The following CFAP47 variants were observed in gnomAD, a reference collection of about 807,000 sequenced individuals.
CFAP47 encodes the protein cilia- and flagella-associated protein 47.
Under a neutral mutation model 148.1 loss-of-function variants are expected in CFAP47, and 29 were observed. The ratio of observed to expected loss-of-function variants is 0.20; its 90% CI spans 0.15 to 0.27. CFAP47 has a LOEUF of 0.27. Ranked by LOEUF, CFAP47 falls within the 10% of genes least tolerant of loss-of-function variation. The pLI is 1.00. For missense variants in CFAP47, 1,872 were observed against 1,697.5 expected, an observed-to-expected ratio of 1.10 and a Z score of -1.81; for synonymous variants, 664 against 577.3, an observed-to-expected ratio of 1.15 and a Z score of -2.15.
intron 30 of CFAP47, among the ~76,000 whole-genome samples, chrX:36,097,230 T>C (rs1474402429): frequency 4.5e-5 from 5 of 112,054 alleles, no homozygotes; most frequent in African/African-American, 1.3e-4. Context: ...TTATTTTTGA[T>C]TGATTGATTA....
chrX:36,123,746 G>T (rs766114797), intron 33 of CFAP47, among the ~76,000 whole-genome samples: 2 of 111,374 alleles, frequency 1.8e-5, no homozygotes, highest in East Asian at 5.8e-4. Flanking sequence ...TTCTGGAATC[G>T]GGGACTCCAG....
intron 57 of CFAP47, among the ~76,000 whole-genome samples, chrX:36,320,205 C>T (rs1434389560): frequency 9.0e-6 from 1 of 111,584 alleles, no homozygotes; most frequent in Non-Finnish European, 1.9e-5. Flanking sequence ...AATGAAGTTT[C>T]TTAAAAATCT....
chrX:35,927,489 G>A (rs955863482), intron 2 of CFAP47, among the ~76,000 whole-genome samples: 20 of 110,518 alleles, frequency 1.8e-4, no homozygotes, highest in African/African-American at 6.3e-4. Flanking sequence ...TTTTTTTCTT[G>A]TTTCCAGAGT....
intron 51 of CFAP47, among the ~76,000 whole-genome samples, chrX:36,294,584 C>T (rs1941223937): frequency 2.7e-5 from 3 of 109,911 alleles, no homozygotes; most frequent in East Asian, 2.9e-4. Flanking sequence ...TGGTGGCAGG[C>T]GCCTGTAGTC....
intron 3 of CFAP47, among the ~76,000 whole-genome samples, chrX:35,944,845 G>T (rs12007724): frequency 1.8e-5 from 2 of 111,739 alleles, no homozygotes; most frequent in African/African-American, 6.5e-5. Flanking sequence ...AGCTGTAGCT[G>T]TGGGTACCCT....
chrX:36,262,508 A>G (rs1556000358), intron 49 of CFAP47, among the ~76,000 whole-genome samples: 1 of 111,611 alleles, frequency 9.0e-6, no homozygotes, highest in Admixed American at 9.5e-5. Flanking sequence ...TAACATAACG[A>G]TCTCCAATTG....
chrX:36,325,106 G>A (rs192267173), intron 57 of CFAP47, among the ~76,000 whole-genome samples: 5 of 111,000 alleles, frequency 4.5e-5, no homozygotes, highest in East Asian at 2.8e-4. Flanking sequence ...TCAGTTATTC[G>A]TATGTTACCT....
At chrX:36,293,720 G>T (rs2146952709) in intron 51 of CFAP47, among the ~76,000 whole-genome samples, 1 of 111,879 alleles carries the variant, frequency 8.9e-6, no homozygotes, top group Admixed American at 9.5e-5. Context: ...GGAGAACATA[G>T]GATTTTAATG....
chrX:36,230,778 A>G (rs1463441262), intron 46 of CFAP47, among the ~76,000 whole-genome samples: 7 of 106,596 alleles, frequency 6.6e-5, no homozygotes, highest in Non-Finnish European at 9.6e-5. Flanking sequence ...ATCTTGAATT[A>G]ATTTTTGTAT....
chrX:35,970,153 G>T (rs1464224312), intron 10 of CFAP47, among the ~76,000 whole-genome samples: 1 of 104,549 alleles, frequency 9.6e-6, no homozygotes, highest in Non-Finnish European at 1.9e-5. Flanking sequence ...AAGCCAGAAG[G>T]TGTGAATACT....
chrX:35,936,908 C>G (rs1021109659), intron 2 of CFAP47, among the ~76,000 whole-genome samples: 1 of 108,185 alleles, frequency 9.2e-6, no homozygotes, highest in Non-Finnish European at 1.9e-5. Flanking sequence ...ACAAGTACCC[C>G]CTTGGCTGCC....
At chrX:36,230,934 T>C (rs1940344802) in intron 46 of CFAP47, among the ~76,000 whole-genome samples, 1 of 104,046 alleles carries the variant, frequency 9.6e-6, no homozygotes, top group South Asian at 4.4e-4. Flanking sequence ...TATGCGACGT[T>C]ATTTCTGAGG....
chrX:36,373,682 C>T (rs1409510822), intron 62 of CFAP47, among the ~76,000 whole-genome samples: 1 of 111,511 alleles, frequency 9.0e-6, no homozygotes, highest in Non-Finnish European at 1.9e-5. Context: ...CAGTTTTTCT[C>T]CATTGATTAT....
chrX:36,142,412 A>T (rs1192498900), intron 35 of CFAP47, among the ~76,000 whole-genome samples: 1 of 111,422 alleles, frequency 9.0e-6, no homozygotes, highest in African/African-American at 3.3e-5. Context: ...GTAGGAAAAC[A>T]TAGTCATCAA....
chrX:36,069,503 G>A (rs1261847046), intron 27 of CFAP47, among the ~76,000 whole-genome samples: 1 of 111,066 alleles, frequency 9.0e-6, no homozygotes, highest in Non-Finnish European at 1.9e-5. Context: ...TCCATTTGGG[G>A]AAATATTTCA....
At chrX:35,971,172 GA>G (rs1936485346) in intron 11 of CFAP47, among the ~76,000 whole-genome samples, 1 of 112,173 alleles carries the variant, frequency 8.9e-6, no homozygotes, top group Admixed American at 9.5e-5. Context: ...ATGATTTATG[GA>G]GTGTGTGCTC....
chrX:36,020,475 C>A (rs1415774183), intron 22 of CFAP47, among the ~76,000 whole-genome samples: 1 of 111,751 alleles, frequency 8.9e-6, no homozygotes, highest in Non-Finnish European at 1.9e-5. Context: ...CTATTTGTTT[C>A]TTTAGGTCTA....
chrX:36,381,419 T>A (rs1942076920), intron 63 of CFAP47, among the ~76,000 whole-genome samples: 1 of 112,242 alleles, frequency 8.9e-6, no homozygotes, highest in Non-Finnish European at 1.9e-5. Context: ...ATTTTAAGCA[T>A]TAAGTCAATG....
intron 49 of CFAP47, among the ~76,000 whole-genome samples, chrX:36,256,606 T>C (rs1555999013): frequency 9.0e-6 from 1 of 111,665 alleles, no homozygotes; most frequent in East Asian, 2.8e-4. Context: ...CCTGTGAACA[T>C]CAGGGTTAAA....
Sources: gnomAD v4.1 joint callset for allele counts (sites outside exome capture counted in the v4.1 genomes callset) on GRCh38, gnomAD v4.1.1 for gene constraint, MANE v1.5 for transcripts, NCBI Gene and HGNC (gene_info 2026-07-23, HGNC 2026-07-21) for gene names.